Variants in MBOAT2 observed in about 807,000 individuals in gnomAD.
MBOAT2 encodes the protein membrane bound glycerophospholipid O-acyltransferase 2, also known as membrane-bound glycerophospholipid O-acyltransferase 2.
Under a neutral mutation model 63.4 loss-of-function variants are expected in MBOAT2, and 28 were observed. The observed-to-expected ratio is 0.44, with a 90% CI of 0.33 to 0.61. MBOAT2 has a LOEUF of 0.61. Ranked by LOEUF, MBOAT2 falls within the 20% of genes least tolerant of loss-of-function variation. MBOAT2 has a pLI of 0.03. For synonymous variants in MBOAT2, 211 were observed against 215.6 expected (o/e 0.98, Z 0.19); for missense variants, 470 against 605.8 (o/e 0.78, Z 2.35).
chr2:8,986,722 T>G (rs892637012), intron 1 of MBOAT2, among the ~76,000 whole-genome samples: 5 of 152,152 alleles, frequency 3.3e-5, no homozygotes, highest in Non-Finnish European at 7.3e-5. Context: ...TAATTTGGAT[T>G]CCATGAGGTT....
chr2:8,889,663 G>A (rs1429771536), intron 4 of MBOAT2, among the ~76,000 whole-genome samples: 1 of 152,126 alleles, frequency 6.6e-6, no homozygotes, highest in Non-Finnish European at 1.5e-5. Context: ...TCTTTTCATA[G>A]TTTAGCTCAC....
At chr2:8,922,787 G>A (rs1261345374) in intron 3 of MBOAT2, among the ~76,000 whole-genome samples, 1 of 152,074 alleles carries the variant, frequency 6.6e-6, no homozygotes, top group African/African-American at 2.4e-5. Context: ...GGGGTGTGTG[G>A]AGATCTTATC....
chr2:8,999,549 C>T (rs201166905), intron 1 of MBOAT2, among the ~76,000 whole-genome samples: 2 of 152,120 alleles, frequency 1.3e-5, no homozygotes, highest in Admixed American at 6.5e-5. Flanking sequence ...TGCTCGCTTT[C>T]GAGTCTTAAA....
chr2:8,942,978 T>G (rs1668157618), intron 3 of MBOAT2, among the ~76,000 whole-genome samples: 1 of 152,154 alleles, frequency 6.6e-6, no homozygotes, highest in South Asian at 2.1e-4. Flanking sequence ...TGAATGTCAA[T>G]GAATCATCCA....
Position 8,920,571 on chromosome 2 carries a change from A to C in MBOAT2, c.300-11855T>G, listed in dbSNP as rs1026238699. 2.6e-5 allele frequency among the ~76,000 whole-genome samples: 4 copies of C among 152,094 alleles called. No homozygotes were observed. In the South Asian group the frequency reaches 6.2e-4, roughly 24 times the overall value. Reference sequence around the variant, plus strand: ...TTATCAATTTCTACCAAAAAAAAAAACTGCCAGTGTTTCTGTTAGGAATTG... The same window carrying C: ...TTATCAATTTCTACCAAAAAAAAAACCTGCCAGTGTTTCTGTTAGGAATTG... On this transcript the variant is annotated intron_variant, in intron 3 of 12. Coordinates refer to ENST00000305997, the MANE Select transcript of MBOAT2 (RefSeq NM_138799.4).
intron 3 of MBOAT2, among the ~76,000 whole-genome samples, chr2:8,924,411 C>G (rs1666796588): frequency 1.3e-5 from 2 of 152,174 alleles, no homozygotes; most frequent in South Asian, 4.1e-4. Flanking sequence ...CTCTGCTGTT[C>G]TACGAAGTGT....
intron 1 of MBOAT2, among the ~76,000 whole-genome samples, chr2:8,980,273 G>T (rs900129463): frequency 6.6e-6 from 1 of 152,258 alleles, no homozygotes; most frequent in African/African-American, 2.4e-5. Context: ...GTGTGCCACA[G>T]GAATGCACCT....
At position 8,855,607 on chromosome 2, in the gene MBOAT2, C is replaced by T. The variant is rs988146743; in HGVS notation, c.*3072G>A. The stretch of plus-strand genomic sequence containing the variant: ...GCCAAATAAATCTTCTCTATCCTGC[C>T]GGATATTTTAGAAGCTAAATAAATT... On this transcript the variant is annotated 3_prime_UTR_variant, in exon 13 of 13. Transcript: ENST00000305997. 6.6e-6 allele frequency: 1 copy of T among 152,078 alleles called. No homozygotes were observed. Among genetic ancestry groups the T allele is most frequent in the African/African-American group, 2.4e-5 (1 of 41,386 alleles). The allele number at this position is 152,078 out of a possible 1,614,324, so 9.4% of individuals were successfully genotyped here.
intron 6 of MBOAT2, among the ~76,000 whole-genome samples, chr2:8,878,098 G>C (rs1024658787): frequency 6.6e-6 from 1 of 152,208 alleles, no homozygotes; most frequent in African/African-American, 2.4e-5. Flanking sequence ...GCTGGAGGAG[G>C]GGGCAGATGC....
At chr2:8,965,232 C>T (rs1382232628) in intron 1 of MBOAT2, among the ~76,000 whole-genome samples, 1 of 152,156 alleles carries the variant, frequency 6.6e-6, no homozygotes, top group Non-Finnish European at 1.5e-5. Context: ...TTTCCACTTA[C>T]GGCATTAAAA....
intron 3 of MBOAT2, among the ~76,000 whole-genome samples, chr2:8,923,539 A>G (rs1666730768): frequency 6.6e-6 from 1 of 152,122 alleles, no homozygotes; most frequent in African/African-American, 2.4e-5. Flanking sequence ...GATTTGTGAA[A>G]TACCTCCTCT....
chr2:8,899,800 T>A (rs1158376952), intron 4 of MBOAT2, among the ~76,000 whole-genome samples: 1 of 152,244 alleles, frequency 6.6e-6, no homozygotes, highest in South Asian at 2.1e-4. Flanking sequence ...GGGCCATGAC[T>A]AAGGCTGCGG....
At chr2:8,968,305 T>A (rs575172458) in intron 1 of MBOAT2, among the ~76,000 whole-genome samples, 1 of 152,310 alleles carries the variant, frequency 6.6e-6, no homozygotes, top group South Asian at 2.1e-4. Flanking sequence ...CCAACAGACC[T>A]GCAGCTGAGG....
At chr2:8,868,684 A>G in intron 8 of MBOAT2, 135 bp from the exon 9 acceptor site, 1 of 696,662 alleles carries the variant, frequency 1.4e-6, no homozygotes, top group Non-Finnish European at 2.3e-6. Flanking sequence ...TTAAGTCAGA[A>G]ACAACATCGC....
intron 4 of MBOAT2, among the ~76,000 whole-genome samples, chr2:8,898,085 T>C (rs568542285): frequency 6.6e-5 from 10 of 152,250 alleles, no homozygotes; most frequent in Non-Finnish European, 1.2e-4. Flanking sequence ...TACTTTGGTA[T>C]GCCACTGTTT....
intron 4 of MBOAT2, among the ~76,000 whole-genome samples, chr2:8,900,730 T>A (rs1284250419): frequency 6.6e-6 from 1 of 152,208 alleles, no homozygotes. Flanking sequence ...AAGCTTTGCA[T>A]ACTTGTGTAT....
intron 3 of MBOAT2, among the ~76,000 whole-genome samples, chr2:8,927,904 T>C (rs1360146220): frequency 6.6e-6 from 1 of 152,222 alleles, no homozygotes; most frequent in East Asian, 1.9e-4. Context: ...GTTAATTGGC[T>C]CACAGTTCTG....
At chr2:8,902,399 C>T (rs1017896259) in intron 4 of MBOAT2, among the ~76,000 whole-genome samples, 3 of 152,138 alleles carry the variant, frequency 2.0e-5, no homozygotes, top group African/African-American at 7.2e-5. Context: ...AGAATGAAGC[C>T]GCGGACCCTT....
At chr2:8,924,459 G>A (rs1666800684) in intron 3 of MBOAT2, among the ~76,000 whole-genome samples, 1 of 152,130 alleles carries the variant, frequency 6.6e-6, no homozygotes, top group East Asian at 1.9e-4. Context: ...CTCCTGACCA[G>A]GTGTTCTCTT....
Sources: allele counts gnomAD v4.1 joint callset (sites outside exome capture counted in the v4.1 genomes callset), GRCh38; gene constraint gnomAD v4.1.1; transcripts MANE v1.5; gene names NCBI Gene and HGNC (gene_info 2026-07-23, HGNC 2026-07-21).